Variants in OR4K1 observed in about 807,000 individuals in gnomAD.
OR4K1 encodes the protein olfactory receptor family 4 subfamily K member 1.
OR4K1 carries 16 observed loss-of-function variants against 14.4 expected under a neutral mutation model. That is an observed-to-expected ratio of 1.11 (90% confidence interval 0.75 to 1.68). The LOEUF (loss-of-function observed/expected upper bound fraction) is 1.68. Among genes scored for constraint, OR4K1 ranks in the 40% most tolerant of loss-of-function variants. The pLI is 0.00. For missense variants in OR4K1, 548 were observed against 376.9 expected, an observed-to-expected ratio of 1.45 and a Z score of -3.76; for synonymous variants, 181 against 133.1, an observed-to-expected ratio of 1.36 and a Z score of -2.48.
chr14:19,923,264 G>C, the OR4K1 span, among the ~76,000 whole-genome samples: 1 of 152,210 alleles, frequency 6.6e-6, no homozygotes, highest in Admixed American at 6.5e-5. Context: ...TTTCGTTAAT[G>C]CATGTGTTTA....
At chr14:19,932,834 C>T (rs1055733964) in intron 1 of OR4K1, among the ~76,000 whole-genome samples, 6 of 152,010 alleles carry the variant, frequency 3.9e-5, no homozygotes, top group Non-Finnish European at 1.5e-5. Context: ...GCTTAGGGGA[C>T]TGCTTAAAAC....
the OR4K1 span, chr14:19,921,456 C>A: frequency 6.2e-7 from 1 of 1,614,064 alleles, no homozygotes. Flanking sequence ...CGTCCTAAAC[C>A]CCATTATTTA....
chr14:19,935,786 A>C lies in OR4K1; in HGVS notation c.120A>C (p.Leu40=). The C allele has an allele frequency of 6.2e-7, 1 of 1,614,150 alleles. No individual in the cohort carries two copies. The highest frequency in any genetic ancestry group is 1.3e-5 in the African/African-American group (1 of 75,080). Residue 40 remains leucine, a synonymous_variant, in exon 2 of 2, where the codon CTA becomes CTC. Transcript: ENST00000641172. ...CTATAGTCTATGTGACATCAGTGCT[A>C]GGCAATGTCTTAATTATTGTCATTA... ...IFSIVYVTSV[L]GNVLIIVIIS...
At chr14:19,927,248 CA>C (rs1278000185), upstream of OR4K1, among the ~76,000 whole-genome samples, 2 of 152,120 alleles carry the variant, frequency 1.3e-5, no homozygotes, top group African/African-American at 2.4e-5. Flanking sequence ...TGGTGCAAGC[CA>C]AAAAATGGGA....
Position 19,936,245 on chromosome 14 carries a change from T to C in OR4K1, c.579T>C (p.Tyr193=), listed in dbSNP as rs1241172556. The C allele has an allele frequency of 1.9e-6, 3 of 1,614,130 alleles. No individual in the cohort carries two copies. The highest frequency in any genetic ancestry group is 1.1e-5 in the South Asian group (1 of 91,096). ...LVIELACMDT[Y]EMEIMTLTNS... is the part of the protein sequence containing the mutation. ...TAGAGCTGGCTTGCATGGATACATA[T>C]GAAATGGAAATTATGACCCTAACGA... Residue 193 remains tyrosine, a synonymous_variant, in exon 2 of 2, where the codon TAT becomes TAC. Coordinates refer to ENST00000641172, the MANE Select transcript of OR4K1 (RefSeq NM_001004063.3).
At chr14:19,923,540 T>A in the OR4K1 span, among the ~76,000 whole-genome samples, 207 of 152,286 alleles carry the variant, frequency 1.4e-3, no homozygotes, top group Non-Finnish European at 2.6e-3. Flanking sequence ...TATTAACTTA[T>A]AGAGAATGAC....
rs769116504 is a variant in OR4K1, at chr14:19,936,493, CTGTT to C, written c.831_834del (p.Cys278LeufsTer4). 6.2e-7 allele frequency: 1 copy of C among 1,613,924 alleles called. No individual in the cohort carries two copies. The highest frequency in any genetic ancestry group is 8.5e-7 in the Non-Finnish European group (1 of 1,180,010). ...GACAAATTTCTTTCTGTGTTCTACA[CTGTT>C]TGTACTCCCTTGTTGAACCCCATCA... On this transcript the variant is annotated frameshift_variant, in exon 2 of 2. Coordinates refer to ENST00000641172, the MANE Select transcript of OR4K1 (RefSeq NM_001004063.3). LOFTEE classifies it high-confidence loss of function.
Position 19,936,579 on chromosome 14 carries a change from C to T in OR4K1, c.913C>T (p.His305Tyr). ...AGCCATGTGGAAGCTGAGAAACCGT[C>T]ATGTGAACTCCTGGAAAAACTAGGG... ...KAAMWKLRNR[H>Y]VNSWKN The change falls in exon 2 of 2, where the codon CAT becomes TAT. Residue 305 changes from histidine to tyrosine, a missense_variant. Transcript: ENST00000641172. 2 of 1,602,058 alleles carry T rather than the reference C, an allele frequency of 1.2e-6. No individual in the cohort carries two copies. The highest frequency in any genetic ancestry group is 1.1e-5 in the South Asian group (1 of 89,354).
At chr14:19,922,979 T>C in the OR4K1 span, among the ~76,000 whole-genome samples, 29 of 152,378 alleles carry the variant, frequency 1.9e-4, no homozygotes, top group Non-Finnish European at 3.7e-4. Flanking sequence ...ATTTAAGAAA[T>C]CCTTCTCTCT....
chr14:19,936,096 T>A lies in OR4K1; in HGVS notation c.430T>A (p.Phe144Ile). ...TIMNRRLCVIFVSISWAVGVL... is the reference protein window; with the variant it reads ...TIMNRRLCVIIVSISWAVGVL... ...TATGAACCGGAGGCTCTGTGTAATTTTTGTGTCTATTTCCTGGGCGGTGGG... is the reference window on the plus strand; with the variant it reads ...TATGAACCGGAGGCTCTGTGTAATTATTGTGTCTATTTCCTGGGCGGTGGG... The change falls in exon 2 of 2, where the codon TTT becomes ATT. Residue 144 changes from phenylalanine (F) to isoleucine (I), a missense_variant. By Grantham distance (21) the Phe-to-Ile change is conservative. Transcript: ENST00000641172. The A allele has an allele frequency of 6.2e-7, 1 of 1,614,258 alleles. No homozygotes were observed. The highest frequency in any genetic ancestry group is 2.2e-5 in the East Asian group (1 of 44,886).
upstream of OR4K1, among the ~76,000 whole-genome samples, chr14:19,929,571 C>T (rs1288843886): frequency 1.3e-5 from 2 of 152,012 alleles, no homozygotes; most frequent in African/African-American, 4.8e-5. Context: ...TCTTTGTAGG[C>T]TATTTTAATA....
chr14:19,934,805 G>A (rs866114771), intron 1 of OR4K1, among the ~76,000 whole-genome samples: 1 of 152,160 alleles, frequency 6.6e-6, no homozygotes, highest in Non-Finnish European at 1.5e-5. Context: ...CAAGTAGGGG[G>A]GAATACAGGT....
chr14:19,936,583 T>C lies in OR4K1; in HGVS notation c.917T>C (p.Val306Ala). The change falls in exon 2 of 2, where the codon GTG (valine) becomes GCG (alanine). Residue 306 changes from valine (V) to alanine (A), a missense_variant. Transcript: ENST00000641172. The part of the protein sequence containing the change: ...AAMWKLRNRH[V>A]NSWKN ...ATGTGGAAGCTGAGAAACCGTCATG[T>C]GAACTCCTGGAAAAACTAGGGATCA... 6.2e-7 allele frequency: 1 copy of C among 1,601,558 alleles called. No homozygotes were observed. The highest frequency in any genetic ancestry group is 8.5e-7 in the Non-Finnish European group (1 of 1,175,086).
At chr14:19,927,598 C>A (rs1395349755), upstream of OR4K1, among the ~76,000 whole-genome samples, 1 of 152,184 alleles carries the variant, frequency 6.6e-6, no homozygotes, top group Non-Finnish European at 1.5e-5. Context: ...CAAGGTTAGT[C>A]TCATACCACT....
At chr14:19,927,911 A>C (rs1270209769), upstream of OR4K1, among the ~76,000 whole-genome samples, 1 of 152,250 alleles carries the variant, frequency 6.6e-6, no homozygotes, top group Non-Finnish European at 1.5e-5. Context: ...AAGTATTTAC[A>C]GTGAAGAAAC....
At chr14:19,923,831 C>A in the OR4K1 span, among the ~76,000 whole-genome samples, 1 of 152,198 alleles carries the variant, frequency 6.6e-6, no homozygotes, top group Non-Finnish European at 1.5e-5. Context: ...TTTAGAGTTA[C>A]TTTTTATTCT....
chr14:19,927,737 A>AG (rs1313676750), upstream of OR4K1, among the ~76,000 whole-genome samples: 2 of 152,120 alleles, frequency 1.3e-5, no homozygotes, highest in African/African-American at 2.4e-5. Context: ...CTTCCTCTGA[A>AG]GGGGGGGTAG....
intron 1 of OR4K1, among the ~76,000 whole-genome samples, chr14:19,934,831 C>T (rs921788925): frequency 6.6e-5 from 10 of 152,248 alleles, no homozygotes; most frequent in East Asian, 1.9e-4. Context: ...CCACCACGCC[C>T]GGCTAATTTT....
intron 1 of OR4K1, chr14:19,931,445 G>T (rs149680706): frequency 2.0e-5 from 3 of 152,312 alleles, no homozygotes; most frequent in Admixed American, 1.3e-4. Flanking sequence ...TATGCTTTCT[G>T]TTCAGTGACT....
Sources: allele counts gnomAD v4.1 joint callset (sites outside exome capture counted in the v4.1 genomes callset), GRCh38; gene constraint gnomAD v4.1.1; transcripts MANE v1.5; gene names NCBI Gene and HGNC (gene_info 2026-07-23, HGNC 2026-07-21).